Variants in SHOX observed in about 807,000 individuals in gnomAD.
SHOX encodes SHOX homeobox, also known as short stature homeobox protein.
Under a neutral mutation model 29.6 loss-of-function variants are expected in SHOX, and 12 were observed. The ratio of observed to expected loss-of-function variants is 0.41; its 90% CI spans 0.26 to 0.66. The LOEUF is 0.66. SHOX is among the 30% of genes least tolerant of loss of function. The pLI, the probability that SHOX is intolerant of heterozygous loss-of-function variation, is 0.35. For missense variants in SHOX, 499 were observed against 437.7 expected (o/e 1.14, Z -1.25); for synonymous variants, 214 against 200.6 (o/e 1.07, Z -0.57).
At chrX:630,511 T>G, upstream of SHOX, 1 of 345,556 alleles carries the variant, frequency 2.9e-6, no homozygotes, top group South Asian at 3.4e-5. Flanking sequence ...AGAACGCGGG[T>G]AACCTGTGTG....
Position 631,101 on chromosome X carries a change from G to A in SHOX, c.204G>A (p.Val68=), listed in dbSNP as rs754919610. The A allele has an allele frequency of 1.7e-5, 27 of 1,613,742 alleles. No homozygotes were observed. In the East Asian group the frequency reaches 4.0e-4, roughly 24 times the overall value. ...DITEGGGHCP[V]HLFKDHVDND... is the part of the protein sequence containing the mutation. ...CGGAGGGCGGCGGCCACTGCCCGGT[G>A]CATTTGTTCAAGGACCACGTAGACA... is the stretch of plus-strand genomic sequence containing the variant. The change falls in exon 1 of 5, where the codon GTG becomes GTA. Residue 68 remains valine, a synonymous_variant. Transcript: ENST00000686671.
chrX:658,541 G>A (rs1305686628), intron 5 of SHOX, among the ~76,000 whole-genome samples: 3 of 146,248 alleles, frequency 2.1e-5, no homozygotes, highest in African/African-American at 5.1e-5. Context: ...CACGATCTCC[G>A]CTCACTGCAA....
Position 636,772 on chromosome X carries a change from CAT to C in SHOX, c.486+1954_486+1955del, listed in dbSNP as rs1338920929. On this transcript the variant is annotated intron_variant, in intron 2 of 4. Coordinates refer to ENST00000686671, the MANE Select transcript of SHOX (RefSeq NM_000451.4). Reference sequence around the variant, plus strand: ...ATACATATAAAAATATATATATTAACATATATATACATATAAAAATATATATA... The same window carrying C: ...ATACATATAAAAATATATATATTAACATATATACATATAAAAATATATATA... Among the ~76,000 whole-genome samples, 4 of 135,804 alleles carry C rather than the reference CAT, an allele frequency of 2.9e-5. 1 individual carries two copies. In the South Asian group the frequency reaches 9.2e-4, roughly 31 times the overall value. 89.1% of individuals were successfully genotyped at this position (135,804 alleles called of 152,430 possible). A position where few individuals can be genotyped will look rare whatever the true frequency, so the allele number is the denominator to read the frequency against.
Position 650,034 on chromosome X carries a change from G to T in SHOX, c.*5398G>T, listed in dbSNP as rs905552292. On this transcript the variant is annotated 3_prime_UTR_variant, in exon 5 of 5. Coordinates refer to ENST00000686671, the MANE Select transcript of SHOX (RefSeq NM_000451.4). ...TCTGACTGGTGCATACTTTGCAAAG[G>T]TGTGTTCCTGGCAATTGCCAAGAGT... 1 of 455,780 alleles carries T rather than the reference G, an allele frequency of 2.2e-6. No individual in the cohort carries two copies. Among genetic ancestry groups the T allele is most frequent in the African/African-American group, 2.0e-5 (1 of 50,060 alleles). The allele number at this position is 455,780 out of a possible 1,614,324, so 28.2% of individuals were successfully genotyped here.
At chrX:642,485 C>T (rs1192390468) in intron 4 of SHOX, among the ~76,000 whole-genome samples, 2 of 152,148 alleles carry the variant, frequency 1.3e-5, no homozygotes, top group Non-Finnish European at 2.9e-5. Context: ...AGAAATGGAC[C>T]CCGAGCGCTG....
At position 624,953 on chromosome X, in the gene SHOX, G is replaced by C. The variant is rs142673233; in HGVS notation, c.-433+351G>C. ...TTCTTTTCTTTCTTTCACTTGGCAA[G>C]ATTGCTTTTGGAGCTTTCCTTTTCT... On this transcript the variant is annotated intron_variant, in intron 1 of 5. Transcript: ENST00000334060. 8.7e-3 allele frequency among the ~76,000 whole-genome samples: 1,146 copies of C among 130,988 alleles called. 23 individuals carry two copies. Among genetic ancestry groups the C allele is most frequent in the African/African-American group, 0.031 (1,083 of 34,902 alleles). The allele number at this position is 130,988 out of a possible 152,430, so 85.9% of individuals were successfully genotyped here. A position where few individuals can be genotyped will look rare whatever the true frequency, so the allele number is the denominator to read the frequency against.
intron 1 of SHOX, among the ~76,000 whole-genome samples, chrX:624,921 T>TCTTC (rs2052487293): frequency 9.7e-6 from 1 of 103,176 alleles, no homozygotes; most frequent in Non-Finnish European, 2.0e-5. Flanking sequence ...TTTCTTTCTT[T>TCTTC]CTTTCTTTCT....
chrX:628,082 C>T (rs1006835289), upstream of SHOX, among the ~76,000 whole-genome samples: 1 of 151,974 alleles, frequency 6.6e-6, no homozygotes, highest in African/African-American at 2.4e-5. Context: ...CTTTCTCTTC[C>T]CCCTCCCTGT....
chrX:658,533 C>G (rs1022045525), intron 5 of SHOX, among the ~76,000 whole-genome samples: 3 of 148,550 alleles, frequency 2.0e-5, no homozygotes, highest in East Asian at 2.0e-4. Flanking sequence ...TGCAGTGGCA[C>G]GATCTCCGCT....
chrX:642,638 G>A (rs774643110), intron 4 of SHOX, among the ~76,000 whole-genome samples: 2 of 152,318 alleles, frequency 1.3e-5, no homozygotes, highest in African/African-American at 4.8e-5. Context: ...CCGACGGCGG[G>A]ACCCAGTGAA....
Position 648,625 on chromosome X carries a change from AC to A in SHOX, c.*3990del. Among the ~76,000 whole-genome samples the A allele has an allele frequency of 1.3e-5, 2 of 152,314 alleles. No homozygotes were observed. Among genetic ancestry groups the A allele is most frequent in the Middle Eastern group, 3.4e-3 (1 of 294 alleles). On this transcript the variant is annotated 3_prime_UTR_variant, in exon 5 of 5. Coordinates refer to ENST00000686671, the MANE Select transcript of SHOX (RefSeq NM_000451.4). ...GGAAAGAGGGCCAAGTGTCATCCTC[AC>A]AAATGGGTCCCCGAAGCAGATCAAA...
intron 1 of SHOX, chrX:624,666 G>A (rs775855130): frequency 7.0e-6 from 1 of 142,364 alleles, no homozygotes; most frequent in African/African-American, 2.6e-5. Flanking sequence ...TCCTTTCTTC[G>A]TTCCTTCCTT....
chrX:629,235 C>G (rs2052602194), upstream of SHOX, among the ~76,000 whole-genome samples: 3 of 151,614 alleles, frequency 2.0e-5, no homozygotes, highest in South Asian at 6.3e-4. Context: ...CTTTCTCTCT[C>G]TCCATCTCTC....
Position 634,802 on chromosome X carries a change from G to A in SHOX, c.462G>A (p.Leu154=), listed in dbSNP as rs760637285. The A allele has an allele frequency of 1.3e-6, 2 of 1,585,852 alleles. No homozygotes were observed. Among genetic ancestry groups the A allele is most frequent in the East Asian group, 4.6e-5 (2 of 43,524 alleles). The change falls in exon 2 of 5, where the codon CTG becomes CTA. Residue 154 remains leucine, a synonymous_variant. Transcript: ENST00000686671. ...AFMREELSQR[L]GLSEARVQVW... is the part of the protein sequence containing the mutation. ...TGCGCGAGGAGCTCAGCCAGCGCCT[G>A]GGGCTCTCCGAGGCGCGCGTGCAGG...
intron 5 of SHOX, among the ~76,000 whole-genome samples, chrX:657,236 A>G (rs1461933210): frequency 2.6e-5 from 4 of 152,182 alleles, no homozygotes; most frequent in Non-Finnish European, 4.4e-5. Flanking sequence ...CAGAAAACCA[A>G]TGAGTTTTCC....
rs763473105 is a variant in SHOX, at chrX:641,065, C to G, written c.611C>G (p.Ala204Gly). The G allele has an allele frequency of 6.2e-7, 1 of 1,613,828 alleles. No homozygotes were observed. The highest frequency in any genetic ancestry group is 8.5e-7 in the Non-Finnish European group (1 of 1,179,844). Residue 204 changes from alanine to glycine, a missense_variant, in exon 4 of 5, where the codon GCC (alanine) becomes GGC (glycine). Transcript: ENST00000686671. ...CRVAPYVNMG[A>G]LRMPFQQVQA... is the part of the protein sequence containing the mutation. ...GTGGCACCCTACGTCAACATGGGAG[C>G]CTTACGGATGCCTTTCCAACAGGTA...
At position 631,128 on chromosome X, in the gene SHOX, T is replaced by C. The variant is rs752444811; in HGVS notation, c.231T>C (p.Asn77=). The change falls in exon 1 of 5, where the codon AAT becomes AAC. Residue 77 remains asparagine, a synonymous_variant. Transcript: ENST00000686671. ...PVHLFKDHVD[N]DKEKLKEFGT... The stretch of plus-strand genomic sequence containing the variant: ...ATTTGTTCAAGGACCACGTAGACAA[T>C]GACAAGGAGAAACTGAAAGAATTCG... The C allele has an allele frequency of 2.5e-6, 4 of 1,613,360 alleles. No homozygotes were observed. Among genetic ancestry groups the C allele is most frequent in the Admixed American group, 1.7e-5 (1 of 59,998 alleles).
At chrX:644,319 CG>C in intron 4 of SHOX, 71 bp from the exon 5 acceptor site, 4 of 1,441,686 alleles carry the variant, frequency 2.8e-6, no homozygotes, top group South Asian at 2.8e-5. Context: ...TGGAGGTTTC[CG>C]GGGGCGCGGG....
intron 1 of SHOX, among the ~76,000 whole-genome samples, chrX:632,847 C>A (rs1049465038): frequency 1.3e-5 from 2 of 152,044 alleles, no homozygotes; most frequent in African/African-American, 2.4e-5. Context: ...TGAGGGCCTG[C>A]GTGTAATTTA....
Sources: allele counts gnomAD v4.1 joint callset (sites outside exome capture counted in the v4.1 genomes callset), GRCh38; gene constraint gnomAD v4.1.1; transcripts MANE v1.5; gene names NCBI Gene and HGNC (gene_info 2026-07-23, HGNC 2026-07-21).